The following SPEF2 variants were observed in gnomAD, a reference collection of about 807,000 sequenced individuals.
SPEF2 encodes sperm flagellar and cilia associated 2.
A neutral mutation model predicts 224.6 loss-of-function variants in SPEF2; 187 were observed. The ratio of observed to expected loss-of-function variants is 0.83; its 90% CI spans 0.74 to 0.94. The LOEUF is 0.94. Among genes scored for constraint, SPEF2 ranks in the 40% least tolerant of loss-of-function variants. SPEF2 has a pLI of 0.00. For synonymous variants in SPEF2, 715 were observed against 707.3 expected (o/e 1.01, Z -0.17); for missense variants, 2,170 against 2,135.6 (o/e 1.02, Z -0.32).
Position 35,759,619 on chromosome 5 carries a change from T to C in SPEF2, c.3520T>C (p.Trp1174Arg), listed in dbSNP as rs1750938431. 1.9e-6 allele frequency: 3 copies of C among 1,611,752 alleles called. No homozygotes were observed. The highest frequency in any genetic ancestry group is 2.5e-6 in the Non-Finnish European group (3 of 1,178,464). ...DTKRLLQDYY[W>R]GMESKIPVED... is the part of the protein sequence containing the mutation. Reference sequence around the variant, plus strand: ...AAAGAGACTCCTTCAAGATTATTACTGGGGAATGGAAAGTAAAATCCCAGT... The same window carrying C: ...AAAGAGACTCCTTCAAGATTATTACCGGGGAATGGAAAGTAAAATCCCAGT... The change falls in exon 25 of 37, where the codon TGG becomes CGG. Residue 1174 changes from tryptophan (W) to arginine (R), a missense_variant. Transcript: ENST00000356031.
At chr5:35,628,748 C>T (rs1561095000) in intron 2 of SPEF2, among the ~76,000 whole-genome samples, 186 bp downstream of exon 2, 1 of 151,778 alleles carries the variant, frequency 6.6e-6, no homozygotes, top group Non-Finnish European at 1.5e-5. Flanking sequence ...CATGCCACCA[C>T]GCCTGGCTAA....
At chr5:35,730,276 C>T (rs990294048) in intron 21 of SPEF2, among the ~76,000 whole-genome samples, 2 of 152,240 alleles carry the variant, frequency 1.3e-5, no homozygotes, top group Non-Finnish European at 2.9e-5. Context: ...GCAGAGAGAA[C>T]GCAGAAGGCA....
chr5:35,770,498 C>T (rs1752680847), intron 26 of SPEF2, among the ~76,000 whole-genome samples: 1 of 152,150 alleles, frequency 6.6e-6, no homozygotes, highest in Admixed American at 6.5e-5. Context: ...CAACATCTCC[C>T]CTTTCCCTGT....
At chr5:35,694,441 A>G (rs1021833915) in intron 13 of SPEF2, 78 bp downstream of exon 13, 9 of 1,285,544 alleles carry the variant, frequency 7.0e-6, no homozygotes, top group East Asian at 2.5e-5. Context: ...GAGCACAAAC[A>G]TGCTTTCAGG....
At chr5:35,709,409 T>A in intron 19 of SPEF2, 4 of 1,166,646 alleles carry the variant, frequency 3.4e-6, no homozygotes, top group Middle Eastern at 3.6e-4. Context: ...GAGTAACAGG[T>A]AACTTCAGGC....
intron 8 of SPEF2, among the ~76,000 whole-genome samples, chr5:35,662,277 G>T (rs1308724903): frequency 1.3e-5 from 2 of 151,886 alleles, no homozygotes; most frequent in Non-Finnish European, 2.9e-5. Context: ...GGGGTTGTTT[G>T]TTTTTTCTCT....
At chr5:35,764,707 T>C (rs182131984) in intron 26 of SPEF2, 345 of 456,208 alleles carry the variant, frequency 7.6e-4, no homozygotes, top group Non-Finnish European at 1.3e-3. Context: ...AAACAAAATT[T>C]CCAACTGGGC....
chr5:35,649,275 C>A, intron 5 of SPEF2, 86 bp from the exon 6 acceptor site: 1 of 1,138,234 alleles, frequency 8.8e-7, no homozygotes, highest in Non-Finnish European at 1.3e-6. Context: ...TAGTACTTGT[C>A]ACTTTATAAA....
At chr5:35,760,952 C>T (rs746812752) in intron 25 of SPEF2, among the ~76,000 whole-genome samples, 3 of 151,698 alleles carry the variant, frequency 2.0e-5, no homozygotes, top group Non-Finnish European at 4.4e-5. Context: ...TTTTAATAAT[C>T]AGTAGGCAGG....
intron 5 of SPEF2, among the ~76,000 whole-genome samples, chr5:35,648,294 AC>A (rs1747687654): frequency 6.6e-6 from 1 of 151,854 alleles, no homozygotes; most frequent in African/African-American, 2.4e-5. Context: ...TTCTAAAATT[AC>A]CACCTACAGA....
chr5:35,621,620 T>C (rs1455456250), intron 1 of SPEF2, among the ~76,000 whole-genome samples: 1 of 152,222 alleles, frequency 6.6e-6, no homozygotes, highest in Non-Finnish European at 1.5e-5. Flanking sequence ...TATTATAATA[T>C]CATAGGGCAT....
intron 23 of SPEF2, among the ~76,000 whole-genome samples, chr5:35,751,852 G>A (rs947337486): frequency 3.9e-5 from 6 of 152,076 alleles, no homozygotes; most frequent in Non-Finnish European, 7.4e-5. Flanking sequence ...TGGTCTTGTC[G>A]GAAGCCTACT....
chr5:35,803,099 A>G (rs1757645341), intron 34 of SPEF2, among the ~76,000 whole-genome samples: 1 of 152,048 alleles, frequency 6.6e-6, no homozygotes, highest in South Asian at 2.1e-4. Context: ...ATTTGTGAAC[A>G]TGGCCAGGAA....
At chr5:35,779,010 A>G (rs114896374) in intron 29 of SPEF2, 107 bp from the exon 30 acceptor site, 15,147 of 720,288 alleles carry the variant, frequency 0.021, 213 homozygotes, top group Non-Finnish European at 0.027. Flanking sequence ...GGAGTTGTCT[A>G]AGAGCTATAT....
chr5:35,774,673 C>T (rs1409767058), intron 28 of SPEF2, among the ~76,000 whole-genome samples: 1 of 152,136 alleles, frequency 6.6e-6, no homozygotes, highest in Non-Finnish European at 1.5e-5. Context: ...GGGAAAAAAA[C>T]ACGGTCAATA....
At chr5:35,753,425 C>G (rs1384505915) in intron 23 of SPEF2, among the ~76,000 whole-genome samples, 199 bp from the exon 24 acceptor site, 1 of 152,062 alleles carries the variant, frequency 6.6e-6, no homozygotes, top group Non-Finnish European at 1.5e-5. Context: ...TGGTGAGGTC[C>G]TCTTCAAACG....
At chr5:35,710,051 T>C in intron 19 of SPEF2, 1 of 980,078 alleles carries the variant, frequency 1.0e-6, no homozygotes, top group African/African-American at 1.7e-5. Context: ...TAGTAAGATA[T>C]ATTATGATAT....
chr5:35,715,931 A>G (rs368109294), intron 20 of SPEF2, among the ~76,000 whole-genome samples: 32 of 150,800 alleles, frequency 2.1e-4, no homozygotes, highest in African/African-American at 7.3e-4. Context: ...AGTTAGATTC[A>G]TATTGAAGGT....
rs1340811232 is a variant in SPEF2 at position 35,704,630 on chromosome 5, A to T, written c.2475A>T (p.Gly825=). 2 of 1,612,582 alleles carry T rather than the reference A, an allele frequency of 1.2e-6. No individual in the cohort carries two copies. Among genetic ancestry groups the T allele is most frequent in the Admixed American group, 3.3e-5 (2 of 59,942 alleles). ...CTGCTGAAAACCAAGATAAGGATGG[A>T]GACCAAAATTTAAGAGACCAGATAC... ...RVAAENQDKD[G]DQNLRDQIQH... is the part of the protein sequence containing the mutation. Residue 825 remains glycine (G), a synonymous_variant, in exon 17 of 37, where the codon GGA becomes GGT. Transcript: ENST00000356031.
Sources: gnomAD v4.1 joint callset for allele counts (sites outside exome capture counted in the v4.1 genomes callset) on GRCh38, gnomAD v4.1.1 for gene constraint, MANE v1.5 for transcripts, NCBI Gene and HGNC (gene_info 2026-07-23, HGNC 2026-07-21) for gene names.